SNX6: variants seen among roughly 807,000 people sequenced by gnomAD.
SNX6 encodes the protein sorting nexin-6.
SNX6 carries 34 observed loss-of-function variants against 63.0 expected under a neutral mutation model. The observed-to-expected ratio is 0.54, with a 90% CI of 0.41 to 0.72. The LOEUF (loss-of-function observed/expected upper bound fraction) is 0.72. SNX6 is among the 30% of genes least tolerant of loss of function. The probability of loss-of-function intolerance (pLI) is 0.00; values close to 1 mark genes in which losing one functional copy is unlikely to be tolerated. For synonymous variants in SNX6, 170 were observed against 164.2 expected, an observed-to-expected ratio of 1.04 and a Z score of -0.27; for missense variants, 398 against 471.4, an observed-to-expected ratio of 0.84 and a Z score of 1.44.
At position 34,562,581 on chromosome 14, in the gene SNX6, T is replaced by A. The variant is rs1327064741; in HGVS notation, c.*541A>T. ...TGCTTTTCTTCAGAAATCATACTTATAAAGATTACATAAAATCTGTCCCAA... is the reference window on the plus strand; with the variant it reads ...TGCTTTTCTTCAGAAATCATACTTAAAAAGATTACATAAAATCTGTCCCAA... On this transcript the variant is annotated 3_prime_UTR_variant, in exon 14 of 14. Transcript: ENST00000362031. The A allele has an allele frequency of 6.5e-6, 1 of 152,686 alleles. No homozygotes were observed. Among genetic ancestry groups the A allele is most frequent in the Admixed American group, 6.5e-5 (1 of 15,274 alleles). The allele number at this position is 152,686 out of a possible 1,614,324, so 9.5% of individuals were successfully genotyped here. A position where few individuals can be genotyped will look rare whatever the true frequency, so the allele number is the denominator to read the frequency against.
intron 10 of SNX6, among the ~76,000 whole-genome samples, chr14:34,576,987 T>A (rs1030565692): frequency 6.6e-6 from 1 of 150,400 alleles, no homozygotes; most frequent in African/African-American, 2.4e-5. Context: ...AAGGCTGAGG[T>A]TGCAGTGAGC....
chr14:34,579,523 C>T (rs1014027338), intron 10 of SNX6, among the ~76,000 whole-genome samples: 5 of 151,942 alleles, frequency 3.3e-5, no homozygotes, highest in African/African-American at 1.2e-4. Context: ...CAAGAGGATG[C>T]TTGAGCTCAA....
chr14:34,578,554 CGG>C, intron 10 of SNX6, among the ~76,000 whole-genome samples: 1 of 146,160 alleles, frequency 6.8e-6, no homozygotes, highest in Non-Finnish European at 1.5e-5. Flanking sequence ...CACTTGAACC[CGG>C]GATGTGGAGG....
intron 11 of SNX6, among the ~76,000 whole-genome samples, chr14:34,573,909 G>A (rs1476463188): frequency 1.3e-5 from 2 of 151,884 alleles, no homozygotes; most frequent in Non-Finnish European, 2.9e-5. Context: ...TCAAAGTGCT[G>A]GGATTACAGG....
intron 2 of SNX6, among the ~76,000 whole-genome samples, chr14:34,621,848 G>C (rs1883631288): frequency 6.6e-6 from 1 of 151,394 alleles, no homozygotes; most frequent in Non-Finnish European, 1.5e-5. Flanking sequence ...CTGGACTGCT[G>C]CATTAGCCTG....
chr14:34,623,203 A>G (rs912444102), intron 2 of SNX6, among the ~76,000 whole-genome samples: 1 of 152,192 alleles, frequency 6.6e-6, no homozygotes, highest in Non-Finnish European at 1.5e-5. Flanking sequence ...AAAAGTGTGC[A>G]GGTGCAAAAC....
At chr14:34,569,994 C>A (rs1253357751) in intron 11 of SNX6, among the ~76,000 whole-genome samples, 1 of 152,096 alleles carries the variant, frequency 6.6e-6, no homozygotes, top group Non-Finnish European at 1.5e-5. Flanking sequence ...TACATTCCTA[C>A]CAACACCATA....
In SNX6 at chr14:34,625,205, G is replaced by T. The variant is rs572082758; in HGVS notation, c.54+4702C>A. ...GTTGGGATTATAGGAGTGAGCCACT[G>T]TGACCAGCCAAGACTCCCTTTCTTA... On this transcript the variant is annotated intron_variant, in intron 2 of 13. Transcript: ENST00000362031. Among the ~76,000 whole-genome samples the T allele has an allele frequency of 6.6e-4, 101 of 152,232 alleles. No homozygotes were observed. In the South Asian group the frequency reaches 6.8e-3, roughly 10 times the overall value.
chr14:34,606,508 A>G, intron 4 of SNX6, among the ~76,000 whole-genome samples: 1 of 150,320 alleles, frequency 6.7e-6, no homozygotes, highest in East Asian at 2.0e-4. Flanking sequence ...CCTGGACTGC[A>G]ATGGCGTAAT....
intron 2 of SNX6, among the ~76,000 whole-genome samples, chr14:34,620,672 G>A (rs1883588134): frequency 6.6e-6 from 1 of 152,064 alleles, no homozygotes; most frequent in South Asian, 2.1e-4. Flanking sequence ...CGGGCATGGT[G>A]GCTCACGCCT....
In SNX6 at chr14:34,562,252, A is replaced by G. The variant is rs1880960125; in HGVS notation, c.*870T>C. 1 of 152,352 alleles carries G rather than the reference A, an allele frequency of 6.6e-6. No homozygotes were observed. The allele number at this position is 152,352 out of a possible 1,614,324, so 9.4% of individuals were successfully genotyped here. A position where few individuals can be genotyped will look rare whatever the true frequency, so the allele number is the denominator to read the frequency against. On this transcript the variant is annotated 3_prime_UTR_variant, in exon 14 of 14. Coordinates refer to ENST00000362031, the MANE Select transcript of SNX6 (RefSeq NM_152233.4). ...TGTACTCTGCTCCTGTATTTCAGGA[A>G]TAACTGTCACTAACCTGCCTCTGTC...
chr14:34,621,141 C>T (rs1267017234), intron 2 of SNX6, among the ~76,000 whole-genome samples: 2 of 151,952 alleles, frequency 1.3e-5, no homozygotes, highest in African/African-American at 2.4e-5. Context: ...GAGAGAGGAT[C>T]TCTCTACAGA....
intron 8 of SNX6, among the ~76,000 whole-genome samples, chr14:34,590,528 G>T (rs956186346): frequency 6.6e-6 from 1 of 151,802 alleles, no homozygotes; most frequent in South Asian, 2.1e-4. Context: ...AAACCACACT[G>T]AGTTACCACC....
At chr14:34,567,556 T>C in intron 13 of SNX6, 130 bp downstream of exon 13, 1 of 739,808 alleles carries the variant, frequency 1.4e-6, no homozygotes, top group South Asian at 1.9e-5. Flanking sequence ...TTGGAAAATG[T>C]AATTCCAGTT....
At chr14:34,604,120 A>T (rs140064332) in intron 5 of SNX6, 1 of 1,248,334 alleles carries the variant, frequency 8.0e-7, no homozygotes, top group African/African-American at 1.6e-5. Context: ...TGCAAGAAGG[A>T]TAAGTTTTAC....
At chr14:34,611,846 T>G (rs1883243010) in intron 2 of SNX6, among the ~76,000 whole-genome samples, 5 of 149,494 alleles carry the variant, frequency 3.3e-5, no homozygotes. Flanking sequence ...TGGCACAATC[T>G]CGGCTCACTG....
chr14:34,563,558 CAA>C (rs534547624), intron 13 of SNX6, among the ~76,000 whole-genome samples: 2 of 83,372 alleles, frequency 2.4e-5, no homozygotes, highest in Admixed American at 1.3e-4. Flanking sequence ...GACTGCGTCT[CAA>C]AAAAAAAAAA....
chr14:34,583,783 G>C (rs935485504), intron 9 of SNX6, among the ~76,000 whole-genome samples: 2 of 151,242 alleles, frequency 1.3e-5, no homozygotes, highest in Non-Finnish European at 2.9e-5. Flanking sequence ...TTACGTTAGA[G>C]AACAGATGGC....
chr14:34,598,525 GGGACCACA>G lies in SNX6; in HGVS notation c.517-888_517-881del, dbSNP rs1882687958. Among the ~76,000 whole-genome samples the G allele has an allele frequency of 2.0e-5, 3 of 152,254 alleles. No individual in the cohort carries two copies. In the South Asian group the frequency reaches 6.2e-4, roughly 32 times the overall value. ...TCCTGCCTCAGCCTCCCGAGTAGCT[GGGACCACA>G]GGCATGTACCATCATGCCCAACTAT... On this transcript the variant is annotated intron_variant, in intron 6 of 13. Coordinates refer to ENST00000362031, the MANE Select transcript of SNX6 (RefSeq NM_152233.4).
Sources: allele counts gnomAD v4.1 joint callset (sites outside exome capture counted in the v4.1 genomes callset), GRCh38; gene constraint gnomAD v4.1.1; transcripts MANE v1.5; gene names NCBI Gene and HGNC (gene_info 2026-07-23, HGNC 2026-07-21).